Variants in CNTN1 observed in about 807,000 individuals in gnomAD.
The protein encoded by CNTN1 is contactin 1, also known as contactin-1.
CNTN1 carries 38 observed loss-of-function variants against 126.4 expected under a neutral mutation model. The ratio of observed to expected loss-of-function variants is 0.30; its 90% CI spans 0.23 to 0.39. CNTN1 has a LOEUF of 0.39. Among genes scored for constraint, CNTN1 ranks in the 10% least tolerant of loss-of-function variants. The probability of loss-of-function intolerance (pLI) is 1.00; values close to 1 mark genes in which losing one functional copy is unlikely to be tolerated. For missense variants in CNTN1, 1,009 were observed against 1,248.4 expected, an observed-to-expected ratio of 0.81 and a Z score of 2.89; for synonymous variants, 413 against 422.6, an observed-to-expected ratio of 0.98 and a Z score of 0.28.
intron 12 of CNTN1, among the ~76,000 whole-genome samples, chr12:40,940,110 G>A (rs544339578): frequency 6.6e-6 from 1 of 152,178 alleles, no homozygotes; most frequent in South Asian, 2.1e-4. Context: ...AATATTGAGT[G>A]CAAAAATTAT....
chr12:40,830,096 C>T (rs1941756230), intron 1 of CNTN1, among the ~76,000 whole-genome samples: 1 of 152,104 alleles, frequency 6.6e-6, no homozygotes, highest in Admixed American at 6.6e-5. Context: ...TGCCCTTGTA[C>T]TTATCTAAAC....
At chr12:41,001,665 C>A (rs937641429) in intron 17 of CNTN1, among the ~76,000 whole-genome samples, 1 of 152,108 alleles carries the variant, frequency 6.6e-6, no homozygotes, top group Non-Finnish European at 1.5e-5. Context: ...ATCATGAAAT[C>A]TTTGCCCATT....
intron 1 of CNTN1, among the ~76,000 whole-genome samples, chr12:40,721,884 T>C (rs1942226625): frequency 6.6e-6 from 1 of 151,126 alleles, no homozygotes; most frequent in South Asian, 2.1e-4. Context: ...CATGAACTCA[T>C]CATTTTTTAT....
chr12:40,956,693 G>A (rs999041357), intron 14 of CNTN1, among the ~76,000 whole-genome samples: 1 of 152,056 alleles, frequency 6.6e-6, no homozygotes, highest in Non-Finnish European at 1.5e-5. Flanking sequence ...GAGCATCAGA[G>A]AGAGCCTAGA....
intron 15 of CNTN1, among the ~76,000 whole-genome samples, chr12:40,965,818 T>C (rs2137027914): frequency 6.6e-6 from 1 of 152,304 alleles, no homozygotes; most frequent in Admixed American, 6.5e-5. Flanking sequence ...TATTCTTAAA[T>C]AAGCAAATAT....
chr12:41,011,157 C>A (rs1948642812), intron 17 of CNTN1, among the ~76,000 whole-genome samples: 2 of 152,126 alleles, frequency 1.3e-5, no homozygotes, highest in Non-Finnish European at 2.9e-5. Context: ...CCTTTATTTG[C>A]CTAAGATTCT....
At chr12:40,921,169 A>G (rs1945429764) in intron 4 of CNTN1, among the ~76,000 whole-genome samples, 4 of 152,222 alleles carry the variant, frequency 2.6e-5, no homozygotes, top group African/African-American at 9.6e-5. Context: ...ATTATCTCCT[A>G]TACTGCGAAA....
At chr12:40,847,204 T>C (rs1942542451) in intron 1 of CNTN1, among the ~76,000 whole-genome samples, 1 of 152,066 alleles carries the variant, frequency 6.6e-6, no homozygotes, top group Non-Finnish European at 1.5e-5. Flanking sequence ...TGCTTCCTTT[T>C]TGTTTTCTAA....
intron 17 of CNTN1, among the ~76,000 whole-genome samples, chr12:40,997,655 T>G (rs995660377): frequency 6.6e-6 from 1 of 152,206 alleles, no homozygotes; most frequent in African/African-American, 2.4e-5. Flanking sequence ...TCTCCACATG[T>G]AAGCAGTATA....
intron 1 of CNTN1, among the ~76,000 whole-genome samples, chr12:40,774,194 C>T (rs1939486246): frequency 1.3e-5 from 2 of 151,510 alleles, no homozygotes; most frequent in South Asian, 4.1e-4. Flanking sequence ...AAGCTCAAAA[C>T]AAATTGAAGA....
chr12:41,008,461 T>C (rs896808176), intron 17 of CNTN1, among the ~76,000 whole-genome samples: 1 of 152,188 alleles, frequency 6.6e-6, no homozygotes, highest in Non-Finnish European at 1.5e-5. Flanking sequence ...CATTAGGGGA[T>C]AATTTCTGGT....
chr12:40,979,838 G>C (rs1331467560), intron 15 of CNTN1, among the ~76,000 whole-genome samples: 3 of 151,992 alleles, frequency 2.0e-5, no homozygotes, highest in Non-Finnish European at 4.4e-5. Flanking sequence ...AAGGAAAAAG[G>C]AATCATATTG....
intron 14 of CNTN1, among the ~76,000 whole-genome samples, chr12:40,957,772 G>A (rs1295428309): frequency 6.6e-6 from 1 of 151,874 alleles, no homozygotes; most frequent in Non-Finnish European, 1.5e-5. Flanking sequence ...TAATATCAAG[G>A]ATTAAGGTGT....
At chr12:40,848,254 A>G (rs2772460) in intron 1 of CNTN1, among the ~76,000 whole-genome samples, 50,692 of 152,060 alleles carry the variant, frequency 0.33, 9,533 homozygotes, top group East Asian at 0.55. Context: ...AACGCATCTG[A>G]TACTCTTCTC....
At chr12:40,761,801 G>A (rs1938874513) in intron 1 of CNTN1, among the ~76,000 whole-genome samples, 1 of 152,100 alleles carries the variant, frequency 6.6e-6, no homozygotes, top group Non-Finnish European at 1.5e-5. Context: ...AAATTAAAAT[G>A]TTACTTTAGA....
intron 1 of CNTN1, among the ~76,000 whole-genome samples, chr12:40,798,632 C>A (rs781505482): frequency 6.6e-6 from 1 of 151,838 alleles, no homozygotes; most frequent in African/African-American, 2.4e-5. Context: ...AGCAGACTAA[C>A]ACAGGAACAG....
At chr12:41,022,507 A>G (rs1948942209) in intron 20 of CNTN1, among the ~76,000 whole-genome samples, 2 of 152,250 alleles carry the variant, frequency 1.3e-5, no homozygotes, top group African/African-American at 4.8e-5. Context: ...ACTGCCTCAT[A>G]GAACTGTTAT....
chr12:40,845,152 C>A (rs1230865333), intron 1 of CNTN1, among the ~76,000 whole-genome samples: 1 of 152,106 alleles, frequency 6.6e-6, no homozygotes, highest in Non-Finnish European at 1.5e-5. Context: ...AGTTGACTTG[C>A]TGAAAATGCT....
intron 1 of CNTN1, among the ~76,000 whole-genome samples, chr12:40,846,024 C>T (rs1207987795): frequency 2.0e-5 from 3 of 152,088 alleles, no homozygotes; most frequent in Non-Finnish European, 4.4e-5. Context: ...ATGAATTCAG[C>T]AAACAGATCT....
Sources: allele counts gnomAD v4.1 joint callset (sites outside exome capture counted in the v4.1 genomes callset), GRCh38; gene constraint gnomAD v4.1.1; transcripts MANE v1.5; gene names NCBI Gene and HGNC (gene_info 2026-07-23, HGNC 2026-07-21).